The following INPP5A variants were observed in gnomAD, a reference collection of about 807,000 sequenced individuals.
The protein encoded by INPP5A is 43 kDa inositol polyphosphate 5-phophatase.
In INPP5A, 14 loss-of-function variants were observed where a neutral mutation model predicts 65.2. The observed-to-expected ratio is 0.21, with a 90% CI of 0.14 to 0.34. The LOEUF (loss-of-function observed/expected upper bound fraction) is 0.34, where lower values mean the gene tolerates loss of function less well. Among genes scored for constraint, INPP5A ranks in the 10% least tolerant of loss-of-function variants. INPP5A has a pLI of 1.00. For missense variants in INPP5A, 431 were observed against 545.6 expected, an observed-to-expected ratio of 0.79 and a Z score of 2.09; for synonymous variants, 207 against 208.3, an observed-to-expected ratio of 0.99 and a Z score of 0.05.
intron 2 of INPP5A, among the ~76,000 whole-genome samples, chr10:132,639,149 C>T (rs1564944464): frequency 6.6e-6 from 1 of 152,092 alleles, no homozygotes; most frequent in Non-Finnish European, 1.5e-5. Flanking sequence ...CTTGGAGATC[C>T]AAGCTGCCCC....
intron 1 of INPP5A, among the ~76,000 whole-genome samples, chr10:132,564,094 C>T (rs1424781812): frequency 6.6e-6 from 1 of 152,196 alleles, no homozygotes; most frequent in Non-Finnish European, 1.5e-5. Flanking sequence ...GCAGCTGGTT[C>T]AGGAGCCTGC....
At chr10:132,595,630 C>G (rs1007154724) in intron 1 of INPP5A, among the ~76,000 whole-genome samples, 10 of 152,208 alleles carry the variant, frequency 6.6e-5, no homozygotes, top group Admixed American at 5.9e-4. Flanking sequence ...GTGTTTGTCA[C>G]TGGCACCCTG....
At chr10:132,579,434 T>C (rs1434729691) in intron 1 of INPP5A, among the ~76,000 whole-genome samples, 2 of 151,526 alleles carry the variant, frequency 1.3e-5, no homozygotes, top group Non-Finnish European at 2.9e-5. Context: ...GTGGGAGCAG[T>C]AGGGGTGTGG....
intron 1 of INPP5A, among the ~76,000 whole-genome samples, chr10:132,586,474 C>T (rs1292141176): frequency 1.3e-5 from 2 of 152,224 alleles, no homozygotes; most frequent in Non-Finnish European, 2.9e-5. Context: ...ACACGCCGTT[C>T]CCCAGAAACC....
At chr10:132,614,375 G>A (rs2072002273) in intron 2 of INPP5A, among the ~76,000 whole-genome samples, 1 of 152,216 alleles carries the variant, frequency 6.6e-6, no homozygotes, top group Non-Finnish European at 1.5e-5. Flanking sequence ...GCTGAGGCAG[G>A]AGAATCGCTT....
At chr10:132,633,440 C>T (rs915434666) in intron 2 of INPP5A, among the ~76,000 whole-genome samples, 3 of 152,136 alleles carry the variant, frequency 2.0e-5, no homozygotes, top group Non-Finnish European at 2.9e-5. Flanking sequence ...TGTTTTAAAA[C>T]GAAGTCTCTG....
intron 9 of INPP5A, among the ~76,000 whole-genome samples, chr10:132,746,413 A>G (rs1287853856): frequency 6.6e-6 from 1 of 152,218 alleles, no homozygotes; most frequent in Non-Finnish European, 1.5e-5. Context: ...CGTGAGACCA[A>G]CTGCACAGGT....
At chr10:132,683,104 A>T (rs1224677566) in intron 4 of INPP5A, among the ~76,000 whole-genome samples, 2 of 149,450 alleles carry the variant, frequency 1.3e-5, no homozygotes, top group Non-Finnish European at 3.0e-5. Flanking sequence ...CGTGTGTGTT[A>T]TCCTATGTGG....
chr10:132,771,025 G>A (rs924244042), intron 12 of INPP5A, among the ~76,000 whole-genome samples: 5 of 152,266 alleles, frequency 3.3e-5, no homozygotes, highest in Non-Finnish European at 5.9e-5. Context: ...GCTGCTGCTG[G>A]AAGAGGCAGG....
intron 11 of INPP5A, among the ~76,000 whole-genome samples, chr10:132,754,486 G>A (rs1425176778): frequency 6.6e-6 from 1 of 152,190 alleles, no homozygotes; most frequent in African/African-American, 2.4e-5. Context: ...ATGGGCCTGG[G>A]GCATCACAGT....
chr10:132,678,308 C>T lies in INPP5A; in HGVS notation c.307-12084C>T, dbSNP rs927425249. Reference sequence around the variant, plus strand: ...ATTATACAGGAAAAGATCAATGAAGCGCTACATTGATTTAAACAAAAGCTT... The same window carrying T: ...ATTATACAGGAAAAGATCAATGAAGTGCTACATTGATTTAAACAAAAGCTT... On this transcript the variant is annotated intron_variant, in intron 4 of 15. Transcript: ENST00000368594. This position sits in a 1 kb window ranked among gnomAD's most constrained non-coding sequence, Gnocchi z 4.1. Among the ~76,000 whole-genome samples, 5 of 152,154 alleles carry T rather than the reference C, an allele frequency of 3.3e-5. No individual in the cohort carries two copies. The highest frequency in any genetic ancestry group is 7.2e-5 in the African/African-American group (3 of 41,426).
intron 4 of INPP5A, among the ~76,000 whole-genome samples, chr10:132,681,636 C>T (rs772415497): frequency 9.2e-5 from 14 of 152,056 alleles, no homozygotes; most frequent in African/African-American, 3.4e-4. Flanking sequence ...CCTTTGTGCA[C>T]GTGGGTAGAA....
intron 2 of INPP5A, among the ~76,000 whole-genome samples, chr10:132,626,143 G>A (rs1470602845): frequency 6.6e-6 from 1 of 152,250 alleles, no homozygotes; most frequent in East Asian, 1.9e-4. Flanking sequence ...GTGCTAGTGT[G>A]TTGAGCCAGT....
intron 4 of INPP5A, among the ~76,000 whole-genome samples, chr10:132,669,354 G>C (rs938024534): frequency 5.9e-5 from 9 of 152,224 alleles, no homozygotes; most frequent in Non-Finnish European, 1.0e-4. Context: ...TTCCCTGTGA[G>C]GCGGGTTCCC....
chr10:132,630,011 AG>A (rs1292733363), intron 2 of INPP5A, among the ~76,000 whole-genome samples: 1 of 152,062 alleles, frequency 6.6e-6, no homozygotes, highest in Non-Finnish European at 1.5e-5. Flanking sequence ...AGCATCCTCC[AG>A]GGGAAGGTGG....
rs547561513 is a variant in INPP5A at position 132,676,336 on chromosome 10, G to A, written c.307-14056G>A. 1.6e-4 allele frequency among the ~76,000 whole-genome samples: 24 copies of A among 152,272 alleles called. No homozygotes were observed. The South Asian group carries it at 2.1e-3, about 13-fold the overall frequency. On this transcript the variant is annotated intron_variant, in intron 4 of 15. Coordinates refer to ENST00000368594, the MANE Select transcript of INPP5A (RefSeq NM_005539.5). This position sits in a 1 kb window ranked among gnomAD's most constrained non-coding sequence, Gnocchi z 4.0. ...GAGACCTGCGGAAAGGCTCTGGGGC[G>A]TCACGTCTCCCTGTGGCCGAGGCTG...
chr10:132,730,637 C>A (rs550177530), intron 9 of INPP5A, among the ~76,000 whole-genome samples: 3 of 152,194 alleles, frequency 2.0e-5, no homozygotes, highest in African/African-American at 7.2e-5. Context: ...AAGAAAACTG[C>A]GGTCTTCCTG....
intron 6 of INPP5A, among the ~76,000 whole-genome samples, chr10:132,702,939 C>T (rs1845459861): frequency 6.6e-6 from 1 of 152,128 alleles, no homozygotes; most frequent in African/African-American, 2.4e-5. Flanking sequence ...GGGGCACTAC[C>T]GCGAGTCTGG....
intron 4 of INPP5A, among the ~76,000 whole-genome samples, chr10:132,656,995 T>C (rs2072665159): frequency 6.6e-6 from 1 of 152,058 alleles, no homozygotes; most frequent in South Asian, 2.1e-4. Flanking sequence ...CCTAGTTGGG[T>C]CTGGGGCAGC....
Sources: gnomAD v4.1 joint callset for allele counts (sites outside exome capture counted in the v4.1 genomes callset) on GRCh38, gnomAD v4.1.1 for gene constraint, Gnocchi (gnomAD v3.1) non-coding constraint, MANE v1.5 for transcripts, NCBI Gene and HGNC (gene_info 2026-07-23, HGNC 2026-07-21) for gene names.